The following ESPNL variants were observed in gnomAD, a reference collection of about 807,000 sequenced individuals.
The protein encoded by ESPNL is espin-like protein.
Under a neutral mutation model 46.8 loss-of-function variants are expected in ESPNL, and 49 were observed. The observed-to-expected ratio is 1.05, with a 90% CI of 0.83 to 1.33. The LOEUF (loss-of-function observed/expected upper bound fraction) is 1.33, where lower values mean the gene tolerates loss of function less well. Among genes scored for constraint, ESPNL ranks in the 40% most tolerant of loss-of-function variants. The probability of loss-of-function intolerance (pLI) is 0.00; values close to 1 mark genes in which losing one functional copy is unlikely to be tolerated. For synonymous variants in ESPNL, 664 were observed against 662.1 expected (o/e 1.00, Z -0.04); for missense variants, 1,540 against 1,436.6 (o/e 1.07, Z -1.16).
intron 2 of ESPNL, among the ~76,000 whole-genome samples, chr2:238,104,219 C>G (rs1334680184): frequency 6.6e-6 from 1 of 152,172 alleles, no homozygotes; most frequent in East Asian, 1.9e-4. Context: ...GTGACTTTGG[C>G]CCTGCCTCCA....
At chr2:238,105,493 A>G (rs1376238085) in intron 3 of ESPNL, among the ~76,000 whole-genome samples, 1 of 148,162 alleles carries the variant, frequency 6.7e-6, no homozygotes, top group East Asian at 2.0e-4. Context: ...AGCCTGGGCA[A>G]CAAAGTGAGA....
At chr2:238,129,237 G>A (rs1040295006) in intron 8 of ESPNL, 40 of 1,245,268 alleles carry the variant, frequency 3.2e-5, no homozygotes, top group Non-Finnish European at 3.4e-5. Context: ...GGCAGGTGCC[G>A]GCAGGTGTGT....
intron 5 of ESPNL, among the ~76,000 whole-genome samples, chr2:238,120,904 C>T (rs949147828): frequency 2.0e-5 from 3 of 152,234 alleles, no homozygotes; most frequent in Non-Finnish European, 4.4e-5. Context: ...TGGTGAAATC[C>T]ATCATCTTCC....
intron 4 of ESPNL, among the ~76,000 whole-genome samples, chr2:238,115,558 C>T (rs1030066114): frequency 6.6e-6 from 1 of 152,248 alleles, no homozygotes; most frequent in African/African-American, 2.4e-5. Flanking sequence ...CGGCATGGCA[C>T]ACCCGCCGCT....
chr2:238,104,864 G>A (rs1471379190), intron 3 of ESPNL, 22 bp downstream of exon 3: 4 of 1,461,942 alleles, frequency 2.7e-6, no homozygotes, highest in Non-Finnish European at 3.6e-6. Flanking sequence ...CCAGAGGTGG[G>A]AAGGGGACAT....
At chr2:238,101,901 G>T (rs144532909) in intron 1 of ESPNL, 40 bp from the exon 2 acceptor site, 16,587 of 1,523,402 alleles carry the variant, frequency 0.011, 141 homozygotes, top group Non-Finnish European at 0.013. Flanking sequence ...CTGACCTCAC[G>T]GCCTACCCCC....
At chr2:238,107,364 G>A (rs1019625964) in intron 3 of ESPNL, among the ~76,000 whole-genome samples, 7 of 152,206 alleles carry the variant, frequency 4.6e-5, no homozygotes, top group African/African-American at 1.7e-4. Context: ...AGGACCCGCT[G>A]CTCCAGCAAA....
In ESPNL at chr2:238,130,199, G is replaced by A; in HGVS notation, c.1485G>A (p.Leu495=). 1 of 1,612,458 alleles carries A rather than the reference G, an allele frequency of 6.2e-7. No individual in the cohort carries two copies. The highest frequency in any genetic ancestry group is 8.5e-7 in the Non-Finnish European group (1 of 1,179,756). ...ACTCACAGACTCATCAGGCCATCCT[G>A]GGGCCCTTTGGGGAGCTGCTGACAG... ...WRYSQTHQAI[L]GPFGELLTED... Residue 495 remains leucine (L), a synonymous_variant, in exon 9 of 9, where the codon CTG becomes CTA. Coordinates refer to ENST00000343063, the MANE Select transcript of ESPNL (RefSeq NM_194312.4).
Position 238,105,763 on chromosome 2 carries a change from G to A in ESPNL, c.672+921G>A, listed in dbSNP as rs990989662. 2.6e-5 allele frequency among the ~76,000 whole-genome samples: 4 copies of A among 152,092 alleles called. No homozygotes were observed. In the South Asian group the frequency reaches 6.2e-4, roughly 24 times the overall value. On this transcript the variant is annotated intron_variant, in intron 3 of 8. Transcript: ENST00000343063. ...GGTCCTGGGGAGCCACGGAAGGCTC[G>A]GAGCCAGGAGCAGTAGGATCTGACT...
At chr2:238,123,108 G>T (rs1037714514) in intron 5 of ESPNL, among the ~76,000 whole-genome samples, 1 of 152,168 alleles carries the variant, frequency 6.6e-6, no homozygotes, top group African/African-American at 2.4e-5. Context: ...GCATAGGTCT[G>T]TATCTCCTCT....
chr2:238,118,857 GGAA>G (rs1417846936), intron 5 of ESPNL, among the ~76,000 whole-genome samples: 12 of 125,726 alleles, frequency 9.5e-5, no homozygotes, highest in African/African-American at 3.8e-4. Flanking sequence ...GAGGGTGGAT[GGAA>G]GAGGACGGAT....
chr2:238,119,447 A>AGGAGGGTGAATG lies in ESPNL; in HGVS notation c.987+2414_987+2415insGAGGGTGAATGG. 2.7e-5 allele frequency among the ~76,000 whole-genome samples: 2 copies of AGGAGGGTGAATG among 74,006 alleles called. 1 individual carries two copies. Among genetic ancestry groups the AGGAGGGTGAATG allele is most frequent in the African/African-American group, 1.2e-4 (2 of 16,428 alleles). 48.6% of individuals were successfully genotyped at this position (74,006 alleles called of 152,430 possible). On this transcript the variant is annotated intron_variant, in intron 5 of 8. Transcript: ENST00000343063. ...GTAGATGGAGGAGGGGAGGTGGAGG[A>AGGAGGGTGAATG]GAGGAGGTTAGATGAAGGAGGAATG...
rs368696053 is a variant in ESPNL, at chr2:238,130,163, G to A, written c.1449G>A (p.Ala483=). The part of the protein sequence containing the change: ...NGGSSGPTEQ[A]AWRYSQTHQA... ...GGAGCTCAGGCCCCACGGAGCAGGC[G>A]GCCTGGAGGTACTCACAGACTCATC... Residue 483 remains alanine, a synonymous_variant, in exon 9 of 9, where the codon GCG becomes GCA. Transcript: ENST00000343063. The A allele has an allele frequency of 1.7e-4, 277 of 1,612,790 alleles. No individual in the cohort carries two copies. The highest frequency in any genetic ancestry group is 1.0e-3 in the Middle Eastern group (6 of 6,022).
In ESPNL at chr2:238,131,946, C is replaced by T. The variant is rs1250023965; in HGVS notation, c.*214C>T. ...TTCTCACCACTGCACCCAGGAAGCC[C>T]CTTGGCAGGTCCTGAAGTGAGGCAA... On this transcript the variant is annotated 3_prime_UTR_variant, in exon 9 of 9. Transcript: ENST00000343063. The T allele has an allele frequency of 5.2e-6, 3 of 577,546 alleles. No individual in the cohort carries two copies. The highest frequency in any genetic ancestry group is 8.9e-6 in the Non-Finnish European group (3 of 338,404). 35.8% of individuals were successfully genotyped at this position (577,546 alleles called of 1,614,324 possible).
At position 238,125,961 on chromosome 2, in the gene ESPNL, CTCTGTGTGTGATTGTG is replaced by C. The variant is rs892867995; in HGVS notation, c.1102+603_1102+618del. Among the ~76,000 whole-genome samples, 125 of 151,672 alleles carry C rather than the reference CTCTGTGTGTGATTGTG, an allele frequency of 8.2e-4. No homozygotes were observed. The South Asian group carries it at 0.015, about 18-fold the overall frequency. On this transcript the variant is annotated intron_variant, in intron 6 of 8. Transcript: ENST00000343063. ...GATACACATAGATACGGGGACCCTT[CTCTGTGTGTGATTGTG>C]TCTGTGTGTGATTGTGTCTGTGTGT...
In ESPNL at chr2:238,130,124, C is replaced by G. The variant is rs201712290; in HGVS notation, c.1414-4C>G. Reference sequence around the variant, plus strand: ...CCTGCTCACCCTGCCCTTCCTGTGCCCAGGACAATGGTGGGAGCTCAGGCC... The same window carrying G: ...CCTGCTCACCCTGCCCTTCCTGTGCGCAGGACAATGGTGGGAGCTCAGGCC... On this transcript the variant is annotated splice_polypyrimidine_tract_variant and splice_region_variant and intron_variant, in intron 8 of 8. Transcript: ENST00000343063. The G allele has an allele frequency of 6.2e-7, 1 of 1,605,864 alleles. No homozygotes were observed. The highest frequency in any genetic ancestry group is 8.5e-7 in the Non-Finnish European group (1 of 1,174,950).
chr2:238,108,490 C>T (rs1425159373), intron 4 of ESPNL, among the ~76,000 whole-genome samples: 1 of 152,190 alleles, frequency 6.6e-6, no homozygotes, highest in African/African-American at 2.4e-5. Flanking sequence ...AGCTGCTGGC[C>T]CTGCCCGGGT....
intron 5 of ESPNL, among the ~76,000 whole-genome samples, chr2:238,122,925 G>A (rs1295007645): frequency 6.6e-6 from 1 of 152,246 alleles, no homozygotes; most frequent in African/African-American, 2.4e-5. Context: ...CCTGCTTGAA[G>A]CAGCGACGCC....
rs1348475933 is a variant in ESPNL, at chr2:238,131,084, G to A, written c.2370G>A (p.Glu790=). ...CTGGGCCACCCTCCCCGCCCAGCGA[G>A]GGCCCCCGGCTGGGCCACCTGTGGC... ...RSPGPPSPPS[E]GPRLGHLWQQ... is the part of the protein sequence containing the mutation. Residue 790 remains glutamate (E), a synonymous_variant, in exon 9 of 9, where the codon GAG becomes GAA. Coordinates refer to ENST00000343063, the MANE Select transcript of ESPNL (RefSeq NM_194312.4). The A allele has an allele frequency of 1.3e-6, 2 of 1,541,338 alleles. No individual in the cohort carries two copies. Among genetic ancestry groups the A allele is most frequent in the Admixed American group, 2.0e-5 (1 of 50,822 alleles).
Sources: allele counts gnomAD v4.1 joint callset (sites outside exome capture counted in the v4.1 genomes callset), GRCh38; gene constraint gnomAD v4.1.1; transcripts MANE v1.5; gene names NCBI Gene and HGNC (gene_info 2026-07-23, HGNC 2026-07-21).